Variants in ARMC6 observed in about 807,000 individuals in gnomAD.
ARMC6 encodes the protein armadillo repeat-containing protein 6.
ARMC6 carries 43 observed loss-of-function variants against 49.2 expected under a neutral mutation model. The ratio of observed to expected loss-of-function variants is 0.87; its 90% CI spans 0.69 to 1.13. The LOEUF (loss-of-function observed/expected upper bound fraction) is 1.13, where lower values mean the gene tolerates loss of function less well. Among genes scored for constraint, ARMC6 ranks in the 50% most tolerant of loss-of-function variants. The pLI is 0.00. For missense variants in ARMC6, 627 were observed against 682.0 expected, an observed-to-expected ratio of 0.92 and a Z score of 0.90; for synonymous variants, 262 against 289.6, an observed-to-expected ratio of 0.90 and a Z score of 0.97.
chr19:19,033,713 G>T lies in ARMC6; in HGVS notation c.-297G>T. 1 of 272,602 alleles carries T rather than the reference G, an allele frequency of 3.7e-6. No individual in the cohort carries two copies. The highest frequency in any genetic ancestry group is 6.9e-6 in the Non-Finnish European group (1 of 145,942). 16.9% of individuals were successfully genotyped at this position (272,602 alleles called of 1,614,324 possible). A position where few individuals can be genotyped will look rare whatever the true frequency, so the allele number is the denominator to read the frequency against. ...CGACCACCGTGAGCGTCCCGGAAGG[G>T]GCGGCAAAGACGCCTCCGTCGCGCA... is the stretch of plus-strand genomic sequence containing the variant. On this transcript the variant is annotated 5_prime_UTR_variant, in exon 1 of 9. Transcript: ENST00000535612.
At chr19:19,038,898 T>TACACACAC (rs35676976) in intron 2 of ARMC6, among the ~76,000 whole-genome samples, 2,703 of 147,266 alleles carry the variant, frequency 0.018, 38 homozygotes, top group Middle Eastern at 0.035. Context: ...TTTGTGTGTA[T>TACACACAC]ACACACACAC....
rs1034773390 is a variant in ARMC6, at chr19:19,054,017, G to T, written c.854-135G>T. 14 of 815,384 alleles carry T rather than the reference G, an allele frequency of 1.7e-5. No homozygotes were observed. The Admixed American group carries it at 5.2e-4, about 30-fold the overall frequency. 50.5% of individuals were successfully genotyped at this position (815,384 alleles called of 1,614,324 possible). On this transcript the variant is annotated intron_variant, in intron 5 of 8. Coordinates refer to ENST00000535612, the MANE Select transcript of ARMC6 (RefSeq NM_001199196.2). ...CAGGTAGCCCCTGGTGTTCCCTGGGGCCTTCCTGGTGCCCGTGGCCACTCC... is the reference window on the plus strand; with the variant it reads ...CAGGTAGCCCCTGGTGTTCCCTGGGTCCTTCCTGGTGCCCGTGGCCACTCC...
At position 19,034,146 on chromosome 19, in the gene ARMC6, T is replaced by C; in HGVS notation, c.-64T>C. Reference sequence around the variant, plus strand: ...ATTCATTCAGCACCTGTGCACTGAGTGCCTGCTGCGTGTCGGGCCCCGTCC... The same window carrying C: ...ATTCATTCAGCACCTGTGCACTGAGCGCCTGCTGCGTGTCGGGCCCCGTCC... On this transcript the variant is annotated 5_prime_UTR_variant, in exon 2 of 9. Transcript: ENST00000535612. 6 of 1,122,798 alleles carry C rather than the reference T, an allele frequency of 5.3e-6. No individual in the cohort carries two copies. The highest frequency in any genetic ancestry group is 7.9e-6 in the Non-Finnish European group (6 of 755,110). The allele number at this position is 1,122,798 out of a possible 1,614,324, so 69.6% of individuals were successfully genotyped here. A position where few individuals can be genotyped will look rare whatever the true frequency, so the allele number is the denominator to read the frequency against.
intron 3 of ARMC6, 137 bp from the exon 4 acceptor site, chr19:19,043,855 A>C: frequency 5.7e-6 from 4 of 705,662 alleles, no homozygotes; most frequent in Non-Finnish European, 7.5e-6. Context: ...ATGGGCGGGA[A>C]TAGGGAGGTG....
chr19:19,051,559 G>C, intron 4 of ARMC6, 63 bp from the exon 5 acceptor site: 1 of 1,451,934 alleles, frequency 6.9e-7, no homozygotes, highest in Non-Finnish European at 9.4e-7. Context: ...TCCAGACACT[G>C]TTGCTGTGGC....
At chr19:19,048,263 T>C (rs1023635523) in intron 4 of ARMC6, among the ~76,000 whole-genome samples, 1 of 152,154 alleles carries the variant, frequency 6.6e-6, no homozygotes, top group Non-Finnish European at 1.5e-5. Context: ...GGAGAATTGC[T>C]TGAACCCGGG....
Position 19,051,870 on chromosome 19 carries a change from G to C in ARMC6, c.528G>C (p.Gln176His). The change falls in exon 5 of 9, where the codon CAG becomes CAC. Residue 176 changes from glutamine to histidine, a missense_variant. Coordinates refer to ENST00000535612, the MANE Select transcript of ARMC6 (RefSeq NM_001199196.2). Reference sequence around the variant, plus strand: ...GACAGCCAGACCTCCTGGATGCCCAGGGCCTGCAGCTCCTAGTGGCCACGC... The same window carrying C: ...GACAGCCAGACCTCCTGGATGCCCACGGCCTGCAGCTCCTAGTGGCCACGC... The part of the protein sequence containing the change: ...TDGQPDLLDA[Q>H]GLQLLVATLT... The C allele has an allele frequency of 6.2e-7, 1 of 1,614,148 alleles. No individual in the cohort carries two copies. The highest frequency in any genetic ancestry group is 8.5e-7 in the Non-Finnish European group (1 of 1,180,034).
chr19:19,046,929 T>TTTG (rs2059455652), intron 4 of ARMC6, among the ~76,000 whole-genome samples: 1 of 141,268 alleles, frequency 7.1e-6, no homozygotes, highest in South Asian at 2.3e-4. Flanking sequence ...GCTCACCTGT[T>TTTG]TTTTTTTTTT....
chr19:19,043,197 G>A (rs1034076682), intron 3 of ARMC6, among the ~76,000 whole-genome samples: 1 of 152,222 alleles, frequency 6.6e-6, no homozygotes, highest in Non-Finnish European at 1.5e-5. Flanking sequence ...ACCCTACCTC[G>A]AGCTTACAGA....
chr19:19,054,590 G>A (rs555764018), intron 6 of ARMC6, among the ~76,000 whole-genome samples: 3 of 152,224 alleles, frequency 2.0e-5, no homozygotes, highest in South Asian at 2.1e-4. Context: ...GTTAGTTCCC[G>A]CACCTCTGCC....
intron 2 of ARMC6, chr19:19,039,308 A>C (rs2059394148): frequency 2.3e-6 from 1 of 440,488 alleles, no homozygotes; most frequent in Admixed American, 2.5e-5. Context: ...CTATATTTTT[A>C]AATTTTTTTG....
chr19:19,038,576 GTTTA>G (rs995276856), intron 2 of ARMC6, among the ~76,000 whole-genome samples: 2 of 152,020 alleles, frequency 1.3e-5, no homozygotes, highest in African/African-American at 4.8e-5. Context: ...TTACTTGTTT[GTTTA>G]TTTATTTATT....
chr19:19,054,358 C>G (rs2059525678), intron 6 of ARMC6, 37 bp downstream of exon 6: 1 of 1,464,702 alleles, frequency 6.8e-7, no homozygotes, highest in Admixed American at 2.3e-5. Context: ...TGCTGTCCTT[C>G]TGGGTCCCAG....
In ARMC6 at chr19:19,044,150, G is replaced by A. The variant is rs1404163053; in HGVS notation, c.279+76G>A. On this transcript the variant is annotated intron_variant, in intron 4 of 8. Coordinates refer to ENST00000535612, the MANE Select transcript of ARMC6 (RefSeq NM_001199196.2). ...GCACCTCTTCCCTGTTTCCTGGATG[G>A]CAGAATACAGGCTCTGAAGGTCATG... is the stretch of plus-strand genomic sequence containing the variant. 5.7e-6 allele frequency: 8 copies of A among 1,400,684 alleles called. No homozygotes were observed. The African/African-American group carries it at 8.5e-5, about 15-fold the overall frequency. The allele number at this position is 1,400,684 out of a possible 1,614,324, so 86.8% of individuals were successfully genotyped here. A position where few individuals can be genotyped will look rare whatever the true frequency, so the allele number is the denominator to read the frequency against.
chr19:19,035,334 T>G (rs980473039), intron 2 of ARMC6, among the ~76,000 whole-genome samples: 1 of 152,256 alleles, frequency 6.6e-6, no homozygotes, highest in East Asian at 1.9e-4. Flanking sequence ...AGCAGATTCC[T>G]GGCTGAGAGA....
Position 19,057,450 on chromosome 19 carries a change from C to A in ARMC6, c.1328C>A (p.Ala443Asp). 3.7e-6 allele frequency: 6 copies of A among 1,613,756 alleles called. No individual in the cohort carries two copies. Among genetic ancestry groups the A allele is most frequent in the Non-Finnish European group, 5.1e-6 (6 of 1,180,004 alleles). Residue 443 changes from alanine to aspartate, a missense_variant, in exon 9 of 9, where the codon GCC (alanine) becomes GAC (aspartate). Ala to Asp is a moderately radical substitution (Grantham distance 126, BLOSUM62 -2). Coordinates refer to ENST00000535612, the MANE Select transcript of ARMC6 (RefSeq NM_001199196.2). Reference protein sequence around the residue: ...QACMLIRNLVAHGQAFSKPIL... With the variant: ...QACMLIRNLVDHGQAFSKPIL... Reference sequence around the variant, plus strand: ...TGCATGCTGATCCGAAACCTGGTGGCCCACGGCCAGGCCTTCTCGAAGCCC... The same window carrying A: ...TGCATGCTGATCCGAAACCTGGTGGACCACGGCCAGGCCTTCTCGAAGCCC...
chr19:19,055,776 G>A lies in ARMC6; in HGVS notation c.1156-15G>A, dbSNP rs759495206. 3 of 1,545,152 alleles carry A rather than the reference G, an allele frequency of 1.9e-6. No homozygotes were observed. The highest frequency in any genetic ancestry group is 2.6e-6 in the Non-Finnish European group (3 of 1,135,494). ...ATCTGCTGCATCTCAGCCTTTCTGTGACTGGCCCCTGCAGGTGTGTGAGCA... is the reference window on the plus strand; with the variant it reads ...ATCTGCTGCATCTCAGCCTTTCTGTAACTGGCCCCTGCAGGTGTGTGAGCA... On this transcript the variant is annotated splice_polypyrimidine_tract_variant and intron_variant, in intron 7 of 8. Transcript: ENST00000535612. This position sits in a 1 kb window ranked among gnomAD's most constrained non-coding sequence, Gnocchi z 5.7.
chr19:19,053,112 G>A (rs779302433), intron 5 of ARMC6, among the ~76,000 whole-genome samples: 8 of 152,298 alleles, frequency 5.3e-5, no homozygotes, highest in African/African-American at 1.4e-4. Flanking sequence ...CCCCTTTTCG[G>A]GGAAACACCT....
At chr19:19,046,927 G>GTTTTTTTTTTTTTTTTTTTTTTTTTTTA (rs386388691) in intron 4 of ARMC6, among the ~76,000 whole-genome samples, 8 of 104,370 alleles carry the variant, frequency 7.7e-5, no homozygotes, top group Admixed American at 2.5e-4. Flanking sequence ...ATGCTCACCT[G>GTTTTTTTTTTTTTTTTTTTTTTTTTTTA]TTTTTTTTTT....
Sources: allele counts gnomAD v4.1 joint callset (sites outside exome capture counted in the v4.1 genomes callset), GRCh38; gene constraint gnomAD v4.1.1; non-coding constraint Gnocchi (gnomAD v3.1); transcripts MANE v1.5; gene names NCBI Gene and HGNC (gene_info 2026-07-23, HGNC 2026-07-21).